CPQ: variants seen among roughly 807,000 people sequenced by gnomAD.
CPQ encodes Ser-Met dipeptidase.
CPQ carries 37 observed loss-of-function variants against 45.7 expected under a neutral mutation model. The observed-to-expected ratio is 0.81, with a 90% CI of 0.62 to 1.07. CPQ has a LOEUF of 1.07. CPQ is among the 50% of genes least tolerant of loss of function. The pLI, the probability that CPQ is intolerant of heterozygous loss-of-function variation, is 0.00. For synonymous variants in CPQ, 186 were observed against 205.8 expected (o/e 0.90, Z 0.82); for missense variants, 537 against 572.9 (o/e 0.94, Z 0.64).
At chr8:96,856,334 G>A (rs577554532) in intron 3 of CPQ, among the ~76,000 whole-genome samples, 3 of 152,190 alleles carry the variant, frequency 2.0e-5, no homozygotes, top group Non-Finnish European at 4.4e-5. Context: ...CAGTGGGCAA[G>A]CTTGGCTGTT....
At chr8:97,094,715 T>C (rs550279550) in intron 7 of CPQ, among the ~76,000 whole-genome samples, 70 of 152,266 alleles carry the variant, frequency 4.6e-4, no homozygotes, top group African/African-American at 1.7e-3. Context: ...TCTCTAAACT[T>C]TTCCCATCAG....
chr8:97,123,206 A>AAATAAAATAAAAAAT (rs1428874590), intron 7 of CPQ, among the ~76,000 whole-genome samples: 9 of 91,060 alleles, frequency 9.9e-5, no homozygotes, highest in African/African-American at 3.1e-4. Context: ...AAATAAAATA[A>AAATAAAATAAAAAAT]AAAATAAAAT....
intron 5 of CPQ, among the ~76,000 whole-genome samples, chr8:97,015,120 G>C (rs1039077414): frequency 6.6e-6 from 1 of 152,024 alleles, no homozygotes; most frequent in Admixed American, 6.6e-5. Context: ...GGAGGTTTTG[G>C]TACTTGTACT....
intron 7 of CPQ, among the ~76,000 whole-genome samples, chr8:97,087,862 C>A (rs1342102484): frequency 1.3e-5 from 2 of 152,088 alleles, no homozygotes; most frequent in Non-Finnish European, 2.9e-5. Flanking sequence ...AGTTATCTGG[C>A]TTAAAAATAA....
At chr8:96,956,269 T>C (rs551525939) in intron 4 of CPQ, among the ~76,000 whole-genome samples, 2 of 152,178 alleles carry the variant, frequency 1.3e-5, no homozygotes, top group Admixed American at 6.5e-5. Context: ...CTCCCCCTAC[T>C]CCTTATCCTT....
intron 3 of CPQ, among the ~76,000 whole-genome samples, chr8:96,877,576 C>A (rs114626085): frequency 0.021 from 3,140 of 152,308 alleles, 115 homozygotes; most frequent in African/African-American, 0.071. Context: ...AATCACTCCA[C>A]TAGCTCAGTG....
intron 6 of CPQ, among the ~76,000 whole-genome samples, chr8:97,036,531 A>T (rs1189094439): frequency 2.0e-5 from 3 of 152,230 alleles, no homozygotes; most frequent in Admixed American, 1.3e-4. Flanking sequence ...TGAATTTTCA[A>T]ATCAGTGAAT....
chr8:96,850,589 T>A (rs1037487108), intron 3 of CPQ, among the ~76,000 whole-genome samples: 1 of 116,136 alleles, frequency 8.6e-6, no homozygotes, highest in Non-Finnish European at 2.0e-5. Flanking sequence ...TTTTATTTTA[T>A]TTATTTATTT....
intron 1 of CPQ, among the ~76,000 whole-genome samples, chr8:96,739,334 T>G (rs1298284505): frequency 3.9e-3 from 521 of 134,466 alleles, no homozygotes; most frequent in Middle Eastern, 0.011. Flanking sequence ...TAAATTTGTT[T>G]GAGTTCATTG....
intron 3 of CPQ, among the ~76,000 whole-genome samples, chr8:96,839,648 C>T (rs141406361): frequency 2.1e-4 from 32 of 152,136 alleles, no homozygotes; most frequent in Admixed American, 4.6e-4. Context: ...CAGAAATTTC[C>T]GAGTACTAGG....
intron 2 of CPQ, among the ~76,000 whole-genome samples, chr8:96,824,318 A>G (rs1811350579): frequency 1.3e-5 from 2 of 152,096 alleles, no homozygotes; most frequent in Admixed American, 6.6e-5. Context: ...AATACCTATC[A>G]TATAGGGACA....
At chr8:96,935,944 CT>C (rs908122848) in intron 4 of CPQ, among the ~76,000 whole-genome samples, 14 of 150,020 alleles carry the variant, frequency 9.3e-5, no homozygotes, top group South Asian at 2.1e-4. Context: ...TTGTCTACCT[CT>C]TTTTTTTTTC....
Position 96,652,198 on chromosome 8 carries a change from G to A in CPQ, c.-35+6796G>A, listed in dbSNP as rs143928727. On this transcript the variant is annotated intron_variant, in intron 1 of 7. Transcript: ENST00000220763. The stretch of plus-strand genomic sequence containing the variant: ...CTTAGTTCTGTTGTTTAGATTCCAC[G>A]TAGAAGTGAGATCATGTGGTATTTG... Among the ~76,000 whole-genome samples the A allele has an allele frequency of 3.6e-3, 541 of 152,240 alleles. 3 individuals carry two copies. The highest frequency in any genetic ancestry group is 3.9e-3 in the Non-Finnish European group (268 of 68,024).
intron 2 of CPQ, among the ~76,000 whole-genome samples, chr8:96,829,350 C>T (rs2130844287): frequency 6.6e-6 from 1 of 152,230 alleles, no homozygotes; most frequent in Non-Finnish European, 1.5e-5. Flanking sequence ...TCAGTTATCA[C>T]TTGGAGTTGC....
chr8:96,724,639 A>G (rs1278470335), intron 1 of CPQ, among the ~76,000 whole-genome samples: 1 of 152,206 alleles, frequency 6.6e-6, no homozygotes, highest in Non-Finnish European at 1.5e-5. Context: ...TTCCATGCTC[A>G]TGAATTGGAA....
rs12543480 is a variant in CPQ at position 96,906,081 on chromosome 8, A to G, written c.849+26076A>G. On this transcript the variant is annotated intron_variant, in intron 4 of 7. Transcript: ENST00000220763. ...CAGATTCCTGCCACAGCCCCAGGCA[A>G]TTCTGAGTCACCGGGTATGGAGGGG... 4.7e-3 allele frequency among the ~76,000 whole-genome samples: 720 copies of G among 152,268 alleles called. 39 individuals are homozygous for G. The highest frequency in any genetic ancestry group is 0.041 in the Admixed American group (632 of 15,280).
chr8:96,846,138 G>A (rs1290839177), intron 3 of CPQ, among the ~76,000 whole-genome samples: 1 of 152,144 alleles, frequency 6.6e-6, no homozygotes, highest in African/African-American at 2.4e-5. Flanking sequence ...TTTTAAGGAA[G>A]TTGTACCATT....
chr8:96,825,345 ACAC>A (rs1044222256), intron 2 of CPQ, among the ~76,000 whole-genome samples: 2 of 152,022 alleles, frequency 1.3e-5, no homozygotes, highest in African/African-American at 4.8e-5. Context: ...TTGGGGGAGA[ACAC>A]CACACAGATT....
At chr8:97,001,064 G>C (rs780713166) in intron 5 of CPQ, among the ~76,000 whole-genome samples, 1 of 152,006 alleles carries the variant, frequency 6.6e-6, no homozygotes, top group Non-Finnish European at 1.5e-5. Flanking sequence ...ATATAGGAAG[G>C]TTAGCGATTT....
Sources: gnomAD v4.1 joint callset for allele counts (sites outside exome capture counted in the v4.1 genomes callset) on GRCh38, gnomAD v4.1.1 for gene constraint, MANE v1.5 for transcripts, NCBI Gene and HGNC (gene_info 2026-07-23, HGNC 2026-07-21) for gene names.